The following DACH1 variants were observed in gnomAD, a reference collection of about 807,000 sequenced individuals.
DACH1 encodes the protein dachshund family transcription factor 1, also known as dachshund homolog 1.
A neutral mutation model predicts 54.2 loss-of-function variants in DACH1; 12 were observed. The observed-to-expected ratio is 0.22, with a 90% CI of 0.14 to 0.36. The LOEUF (loss-of-function observed/expected upper bound fraction) is 0.36. Ranked by LOEUF, DACH1 falls within the 10% of genes least tolerant of loss-of-function variation. The probability of loss-of-function intolerance (pLI) is 1.00; values close to 1 mark genes in which losing one functional copy is unlikely to be tolerated. For synonymous variants in DACH1, 386 were observed against 366.2 expected (o/e 1.05, Z -0.62); for missense variants, 805 against 929.8 (o/e 0.87, Z 1.75).
At chr13:71,547,861 G>A (rs1883558723) in intron 6 of DACH1, among the ~76,000 whole-genome samples, 1 of 152,142 alleles carries the variant, frequency 6.6e-6, no homozygotes, top group South Asian at 2.1e-4. Context: ...CTGACTGAAT[G>A]TGTTAAATCA....
intron 1 of DACH1, among the ~76,000 whole-genome samples, chr13:71,760,019 C>T (rs1885334926): frequency 1.3e-5 from 2 of 152,182 alleles, no homozygotes; most frequent in African/African-American, 4.8e-5. Flanking sequence ...TCCATTGACT[C>T]ATTTGCATTA....
chr13:71,509,807 A>T (rs1161272541), intron 6 of DACH1, among the ~76,000 whole-genome samples: 1 of 152,126 alleles, frequency 6.6e-6, no homozygotes, highest in Non-Finnish European at 1.5e-5. Flanking sequence ...CTAATGGAAA[A>T]AAGAAAACAT....
At chr13:71,787,495 A>G (rs976416437) in intron 1 of DACH1, among the ~76,000 whole-genome samples, 3 of 152,186 alleles carry the variant, frequency 2.0e-5, no homozygotes, top group Non-Finnish European at 4.4e-5. Context: ...CTGATGATGA[A>G]CCATTAAAGT....
At chr13:71,566,443 T>C (rs1220938241) in intron 4 of DACH1, among the ~76,000 whole-genome samples, 1 of 152,182 alleles carries the variant, frequency 6.6e-6, no homozygotes, top group Non-Finnish European at 1.5e-5. Flanking sequence ...ACTTATTTTC[T>C]AGAAGGTTTC....
intron 1 of DACH1, among the ~76,000 whole-genome samples, chr13:71,730,883 T>A (rs1048854224): frequency 5.9e-5 from 9 of 152,184 alleles, no homozygotes; most frequent in Non-Finnish European, 1.0e-4. Flanking sequence ...TTCTAAGGGC[T>A]ACATTTTCTT....
chr13:71,826,792 T>A (rs190444716), intron 1 of DACH1, among the ~76,000 whole-genome samples: 206 of 152,208 alleles, frequency 1.4e-3, no homozygotes, highest in African/African-American at 4.8e-3. Flanking sequence ...TTCTTAACCA[T>A]TTTCTCTTCA....
At chr13:71,532,406 A>ACTT (rs1269800099) in intron 6 of DACH1, among the ~76,000 whole-genome samples, 1 of 151,992 alleles carries the variant, frequency 6.6e-6, no homozygotes, top group Non-Finnish European at 1.5e-5. Context: ...TTCATTTGAC[A>ACTT]CTTTTGGAAA....
At position 71,454,088 on chromosome 13, in the gene DACH1, T is replaced by C. The variant is rs145050833; in HGVS notation, c.2084-13396A>G. 4.0e-4 allele frequency among the ~76,000 whole-genome samples: 61 copies of C among 152,202 alleles called. No individual in the cohort carries two copies. The East Asian group carries it at 0.011, about 27-fold the overall frequency. Reference sequence around the variant, plus strand: ...AAGAAGCACATTGACAGAAATATCATAACTAAAGGAAGAATATGAGAATCA... The same window carrying C: ...AAGAAGCACATTGACAGAAATATCACAACTAAAGGAAGAATATGAGAATCA... On this transcript the variant is annotated intron_variant, in intron 10 of 10. Transcript: ENST00000613252.
chr13:71,823,955 A>G (rs1888288861), intron 1 of DACH1, among the ~76,000 whole-genome samples: 1 of 151,994 alleles, frequency 6.6e-6, no homozygotes, highest in Non-Finnish European at 1.5e-5. Flanking sequence ...TGTTATGTAA[A>G]TTCTGTTAAT....
At chr13:71,504,042 T>C (rs1417788944) in intron 6 of DACH1, among the ~76,000 whole-genome samples, 3 of 152,148 alleles carry the variant, frequency 2.0e-5, no homozygotes, top group African/African-American at 2.4e-5. Flanking sequence ...AAAAACATAA[T>C]GTAAATTCCT....
intron 1 of DACH1, among the ~76,000 whole-genome samples, chr13:71,711,285 T>C (rs1172277466): frequency 2.0e-5 from 3 of 152,030 alleles, no homozygotes; most frequent in Non-Finnish European, 2.9e-5. Flanking sequence ...TATGAAAAAA[T>C]AGTTCTTCCT....
intron 1 of DACH1, among the ~76,000 whole-genome samples, chr13:71,859,296 C>T (rs117423890): frequency 2.7e-4 from 41 of 151,746 alleles, no homozygotes; most frequent in South Asian, 1.0e-3. Context: ...TGGGTGAATT[C>T]GAATGCTTTT....
chr13:71,689,869 T>C (rs1031731923), intron 1 of DACH1, among the ~76,000 whole-genome samples: 4 of 152,138 alleles, frequency 2.6e-5, no homozygotes. Context: ...CCCTAAAGCT[T>C]CTAAGTCCTC....
intron 1 of DACH1, among the ~76,000 whole-genome samples, chr13:71,745,737 C>T (rs1038425103): frequency 7.9e-5 from 12 of 152,246 alleles, no homozygotes; most frequent in Admixed American, 7.2e-4. Context: ...TGGAGTAAGA[C>T]TACACTGAGA....
intron 6 of DACH1, among the ~76,000 whole-genome samples, chr13:71,497,575 G>A (rs547276876): frequency 2.6e-5 from 4 of 152,092 alleles, no homozygotes; most frequent in African/African-American, 9.6e-5. Flanking sequence ...TGGGTGATCC[G>A]CCTGCCTCGG....
At chr13:71,813,926 G>A (rs1887816476) in intron 1 of DACH1, among the ~76,000 whole-genome samples, 1 of 152,124 alleles carries the variant, frequency 6.6e-6, no homozygotes. Flanking sequence ...GCAAAATGAT[G>A]GCTTAAATGG....
Position 71,546,299 on chromosome 13 carries a change from T to A in DACH1, c.1570+10725A>T, listed in dbSNP as rs1331031. Reference sequence around the variant, plus strand: ...CAGATTACATTTTTCAAAAGAGGGATATATAAAGAAGAAAATTAATTTATG... The same window carrying A: ...CAGATTACATTTTTCAAAAGAGGGAAATATAAAGAAGAAAATTAATTTATG... On this transcript the variant is annotated intron_variant, in intron 6 of 10. Coordinates refer to ENST00000613252, the MANE Select transcript of DACH1 (RefSeq NM_080759.6). Among the ~76,000 whole-genome samples, 1,454 of 152,098 alleles carry A rather than the reference T, an allele frequency of 9.6e-3. 21 individuals carry two copies. Among genetic ancestry groups the A allele is most frequent in the African/African-American group, 0.033 (1,367 of 41,544 alleles).
intron 6 of DACH1, among the ~76,000 whole-genome samples, chr13:71,492,692 T>C (rs566026171): frequency 9.5e-4 from 144 of 152,112 alleles, no homozygotes; most frequent in Non-Finnish European, 1.8e-3. Flanking sequence ...ACTTTTTTTT[T>C]TTTAAATTCT....
intron 1 of DACH1, among the ~76,000 whole-genome samples, chr13:71,851,142 G>C (rs536139850): frequency 1.1e-4 from 16 of 152,276 alleles, no homozygotes; most frequent in African/African-American, 3.9e-4. Flanking sequence ...AAGATCTGGA[G>C]TTCTTATTCT....
Sources: allele counts gnomAD v4.1 joint callset (sites outside exome capture counted in the v4.1 genomes callset), GRCh38; gene constraint gnomAD v4.1.1; transcripts MANE v1.5; gene names NCBI Gene and HGNC (gene_info 2026-07-23, HGNC 2026-07-21).